The following RBFOX1 variants were observed in gnomAD, a reference collection of about 807,000 sequenced individuals.
RBFOX1 encodes RNA binding protein fox-1 homolog 1.
In RBFOX1, 8 loss-of-function variants were observed where a neutral mutation model predicts 57.7. That is an observed-to-expected ratio of 0.14 (90% CI 0.08 to 0.25). The LOEUF is 0.25. Ranked by LOEUF, RBFOX1 falls within the 10% of genes least tolerant of loss-of-function variation. The pLI, the probability that RBFOX1 is intolerant of heterozygous loss-of-function variation, is 1.00. For missense variants in RBFOX1, 611 were observed against 548.5 expected (o/e 1.11, Z -1.14); for synonymous variants, 326 against 222.4 (o/e 1.47, Z -4.15).
chr16:7,197,490 C>T (rs1171462524), intron 4 of RBFOX1, among the ~76,000 whole-genome samples: 2 of 140,962 alleles, frequency 1.4e-5, no homozygotes, highest in African/African-American at 5.3e-5. Context: ...GCAGAATTAT[C>T]ACAGATAGTG....
intron 2 of RBFOX1, among the ~76,000 whole-genome samples, chr16:6,411,895 C>T (rs1047080076): frequency 5.3e-5 from 8 of 151,886 alleles, no homozygotes; most frequent in Non-Finnish European, 1.0e-4. Context: ...GCACTTTGGG[C>T]GGCTGAGGTG....
At chr16:7,093,674 A>G (rs1291269800) in intron 4 of RBFOX1, among the ~76,000 whole-genome samples, 1 of 152,148 alleles carries the variant, frequency 6.6e-6, no homozygotes. Flanking sequence ...TTAACCATTC[A>G]TGGCCTCCCC....
rs149775701 is a variant in RBFOX1 at position 5,473,597 on chromosome 16, G to A, written c.258+6343G>A. Among the ~76,000 whole-genome samples, 27 of 150,286 alleles carry A rather than the reference G, an allele frequency of 1.8e-4. No homozygotes were observed. The South Asian group carries it at 3.4e-3, about 19-fold the overall frequency. On this transcript the variant is annotated intron_variant, in intron 2 of 2. Coordinates refer to the RBFOX1 transcript ENST00000585867. Reference sequence around the variant, plus strand: ...TAGATGAATGGATGAAAAGATGGACGTAAGGAAGGATGGGTGGATGGATGG... The same window carrying A: ...TAGATGAATGGATGAAAAGATGGACATAAGGAAGGATGGGTGGATGGATGG...
At chr16:6,349,044 A>T (rs1567989741) in intron 2 of RBFOX1, among the ~76,000 whole-genome samples, 1 of 152,188 alleles carries the variant, frequency 6.6e-6, no homozygotes, top group Admixed American at 6.5e-5. Flanking sequence ...AGACTTCTTC[A>T]TGGAAAAGAA....
At chr16:7,614,733 C>T (rs992795212) in intron 10 of RBFOX1, 39 of 152,130 alleles carry the variant, frequency 2.6e-4, no homozygotes, top group African/African-American at 8.9e-4. Flanking sequence ...AAACTCAAAC[C>T]ATCAACAACA....
At chr16:5,990,606 C>A (rs1427168016) in intron 4 of RBFOX1, among the ~76,000 whole-genome samples, 1 of 152,118 alleles carries the variant, frequency 6.6e-6, no homozygotes, top group Admixed American at 6.5e-5. Flanking sequence ...ATAGCTTTTT[C>A]AGAGAGAGGC....
chr16:7,215,397 A>G (rs2091869571), intron 4 of RBFOX1, among the ~76,000 whole-genome samples: 2 of 152,218 alleles, frequency 1.3e-5, no homozygotes, highest in African/African-American at 4.8e-5. Flanking sequence ...TAATTACAAT[A>G]GCAAAGACTT....
intron 1 of RBFOX1, among the ~76,000 whole-genome samples, chr16:5,402,528 G>C (rs1002953645): frequency 6.6e-6 from 1 of 152,154 alleles, no homozygotes; most frequent in Non-Finnish European, 1.5e-5. Context: ...TCTTCCTTTT[G>C]TTATAACACA....
chr16:7,214,931 C>G (rs2091781531), intron 4 of RBFOX1, among the ~76,000 whole-genome samples: 1 of 152,112 alleles, frequency 6.6e-6, no homozygotes, highest in Non-Finnish European at 1.5e-5. Flanking sequence ...GACACATGTA[C>G]TGAATGTGCA....
At chr16:6,023,994 G>C (rs1230520480) in intron 1 of RBFOX1, among the ~76,000 whole-genome samples, 1 of 152,164 alleles carries the variant, frequency 6.6e-6, no homozygotes, top group Non-Finnish European at 1.5e-5. Context: ...AGTTAGACTC[G>C]GTCGTAGGGC....
intron 4 of RBFOX1, among the ~76,000 whole-genome samples, chr16:7,194,068 A>T (rs1170949020): frequency 6.6e-6 from 1 of 152,108 alleles, no homozygotes; most frequent in Non-Finnish European, 1.5e-5. Context: ...TGAATCAATT[A>T]TTGGGAGAAG....
intron 2 of RBFOX1, among the ~76,000 whole-genome samples, chr16:6,639,315 G>T (rs184069640): frequency 6.6e-6 from 1 of 152,068 alleles, no homozygotes; most frequent in African/African-American, 2.4e-5. Flanking sequence ...AAATAGTTTC[G>T]TTGAGTCCTT....
At chr16:7,495,470 C>T (rs935371354) in intron 4 of RBFOX1, among the ~76,000 whole-genome samples, 3 of 152,224 alleles carry the variant, frequency 2.0e-5, no homozygotes, top group Non-Finnish European at 4.4e-5. Flanking sequence ...TCTGCAGCCT[C>T]ACCAGCATCT....
intron 3 of RBFOX1, among the ~76,000 whole-genome samples, chr16:5,799,993 A>G (rs757692827): frequency 6.6e-6 from 1 of 152,106 alleles, no homozygotes; most frequent in Admixed American, 6.5e-5. Context: ...GTCTCCCAAG[A>G]TATATTTGCA....
chr16:7,360,039 T>A (rs760826658), intron 4 of RBFOX1, among the ~76,000 whole-genome samples: 36 of 152,252 alleles, frequency 2.4e-4, no homozygotes, highest in Middle Eastern at 3.4e-3. Context: ...TCACTTTTTT[T>A]AATTACACTA....
chr16:7,482,038 G>A (rs971752741), intron 4 of RBFOX1, among the ~76,000 whole-genome samples: 2 of 152,186 alleles, frequency 1.3e-5, no homozygotes, highest in African/African-American at 2.4e-5. Flanking sequence ...GAGTCGGGGC[G>A]ATCTGTATTG....
At chr16:6,909,075 C>A (rs973794293) in intron 3 of RBFOX1, among the ~76,000 whole-genome samples, 5 of 152,246 alleles carry the variant, frequency 3.3e-5, no homozygotes, top group African/African-American at 9.6e-5. Context: ...TAATTTAAAA[C>A]AACACAAATG....
At chr16:6,190,876 T>A (rs1439364826) in intron 1 of RBFOX1, among the ~76,000 whole-genome samples, 1 of 152,186 alleles carries the variant, frequency 6.6e-6, no homozygotes, top group African/African-American at 2.4e-5. Flanking sequence ...ATGTACCATA[T>A]GCCTCTCCAT....
intron 3 of RBFOX1, among the ~76,000 whole-genome samples, chr16:6,803,647 T>C (rs1162582413): frequency 6.6e-6 from 1 of 152,204 alleles, no homozygotes; most frequent in Non-Finnish European, 1.5e-5. Context: ...AAAAGAATCT[T>C]TCACCATTAA....
Sources: allele counts gnomAD v4.1 joint callset (sites outside exome capture counted in the v4.1 genomes callset), GRCh38; gene constraint gnomAD v4.1.1; transcripts MANE v1.5; gene names NCBI Gene and HGNC (gene_info 2026-07-23, HGNC 2026-07-21).